Variants in BBS12 observed in about 807,000 individuals in gnomAD.
BBS12 encodes Bardet-Biedl syndrome 12.
A neutral mutation model predicts 5.6 loss-of-function variants in BBS12; 5 were observed. That is an observed-to-expected ratio of 0.89 (90% CI 0.46 to 1.86). The LOEUF (loss-of-function observed/expected upper bound fraction) is 1.86, where lower values mean the gene tolerates loss of function less well. BBS12 is among the 40% of genes most tolerant of loss of function. The pLI, the probability that BBS12 is intolerant of heterozygous loss-of-function variation, is 0.01. For missense variants in BBS12, 748 were observed against 830.4 expected, an observed-to-expected ratio of 0.90 and a Z score of 1.22; for synonymous variants, 308 against 306.8, an observed-to-expected ratio of 1.00 and a Z score of -0.04.
chr4:122,742,318 C>G lies in BBS12; in HGVS notation c.426C>G (p.Asp142Glu). ...VPVHNIFDCM[D>E]STKTFSQLET... ...TTCACAATATATTTGACTGTATGGA[C>G]AGCACAAAAACATTTTCTCAACTTG... Residue 142 changes from aspartate (D) to glutamate (E), a missense_variant, in exon 2 of 2, where the codon GAC becomes GAG. Coordinates refer to ENST00000314218, the MANE Select transcript of BBS12 (RefSeq NM_152618.3). 1 of 1,614,062 alleles carries G rather than the reference C, an allele frequency of 6.2e-7. No individual in the cohort carries two copies. Among genetic ancestry groups the G allele is most frequent in the Non-Finnish European group, 8.5e-7 (1 of 1,179,992 alleles).
rs886038735 is a variant in BBS12, at chr4:122,744,063, A to G, written c.*38A>G. The G allele has an allele frequency of 3.8e-6, 6 of 1,573,702 alleles. No individual in the cohort carries two copies. The highest frequency in any genetic ancestry group is 1.1e-5 in the South Asian group (1 of 89,694). ...AGTCTTTGGAAAATAATTTTTCATA[A>G]TATGTCATGCTAATAATAAATATAT... On this transcript the variant is annotated 3_prime_UTR_variant, in exon 2 of 2. Coordinates refer to ENST00000314218, the MANE Select transcript of BBS12 (RefSeq NM_152618.3).
In BBS12 at chr4:122,742,789, G is replaced by A; in HGVS notation, c.897G>A (p.Val299=). The A allele has an allele frequency of 1.2e-6, 2 of 1,614,208 alleles. No homozygotes were observed. The highest frequency in any genetic ancestry group is 1.7e-6 in the Non-Finnish European group (2 of 1,180,034). Residue 299 remains valine (V), a synonymous_variant, in exon 2 of 2, where the codon GTG becomes GTA. Transcript: ENST00000314218. The stretch of plus-strand genomic sequence containing the variant: ...AGCTGCAATATCAGAATGCTTGTGT[G>A]CAACAAGGCAACTGTACAAAACCAT... The part of the protein sequence containing the change: ...AVQLQYQNAC[V]QQGNCTKPFM...
the BBS12 span, among the ~76,000 whole-genome samples, chr4:122,707,994 CTT>C: frequency 8.6e-6 from 1 of 116,008 alleles, no homozygotes. Flanking sequence ...TCTTTTCTCT[CTT>C]TCTCTCTTTT....
chr4:122,734,140 A>G (rs1473816072), intron 1 of BBS12: 1 of 152,206 alleles, frequency 6.6e-6, no homozygotes, highest in African/African-American at 2.4e-5. Flanking sequence ...AAAGTTACCC[A>G]GTGAAAATTA....
chr4:122,714,433 A>G, the BBS12 span, among the ~76,000 whole-genome samples: 1 of 152,190 alleles, frequency 6.6e-6, no homozygotes. Flanking sequence ...ATGTGTGTCC[A>G]AGAAGACAAA....
At chr4:122,723,918 T>C in the BBS12 span, among the ~76,000 whole-genome samples, 1 of 152,202 alleles carries the variant, frequency 6.6e-6, no homozygotes, top group East Asian at 1.9e-4. Context: ...AGCAAATAGT[T>C]ATAAAAGAGC....
the BBS12 span, among the ~76,000 whole-genome samples, chr4:122,722,936 T>G: frequency 6.6e-6 from 1 of 152,178 alleles, no homozygotes; most frequent in Non-Finnish European, 1.5e-5. Context: ...TTTTCCATGT[T>G]TTACAGTTTA....
At chr4:122,706,455 CA>C in the BBS12 span, among the ~76,000 whole-genome samples, 37 of 152,236 alleles carry the variant, frequency 2.4e-4, no homozygotes, top group African/African-American at 7.5e-4. Flanking sequence ...CTGGAGGGAT[CA>C]GGGGTAACCA....
chr4:122,717,615 G>C, the BBS12 span, among the ~76,000 whole-genome samples: 1 of 151,942 alleles, frequency 6.6e-6, no homozygotes. Context: ...CTGTAACCTC[G>C]ACCACCTGGG....
chr4:122,716,618 TGCAC>T, the BBS12 span, among the ~76,000 whole-genome samples: 40,576 of 116,572 alleles, frequency 0.35, 8,724 homozygotes, highest in East Asian at 0.63. Flanking sequence ...TGTGTGTATA[TGCAC>T]ATACACATAT....
rs587777802 is a variant in BBS12, at chr4:122,743,373, CAG to C, written c.1483_1484del (p.Glu495ArgfsTer3). On this transcript the variant is annotated frameshift_variant, in exon 2 of 2. Coordinates refer to ENST00000314218, the MANE Select transcript of BBS12 (RefSeq NM_152618.3). LOFTEE classifies it low-confidence loss of function (END_TRUNC). ...AACAGAATCGCAATCTTATTAAAAA[CAG>C]AAGGAATTAATTTGGTTACGGCCGT... The C allele has an allele frequency of 3.1e-6, 5 of 1,614,202 alleles. No homozygotes were observed. The highest frequency in any genetic ancestry group is 4.2e-6 in the Non-Finnish European group (5 of 1,180,050).
At chr4:122,711,360 A>G in the BBS12 span, among the ~76,000 whole-genome samples, 7 of 100,082 alleles carry the variant, frequency 7.0e-5, no homozygotes, top group Admixed American at 5.6e-4. Flanking sequence ...TCCTGATTGG[A>G]AAAAAAAAAA....
chr4:122,726,755 A>G, the BBS12 span, among the ~76,000 whole-genome samples: 65,019 of 152,050 alleles, frequency 0.43, 15,310 homozygotes, highest in East Asian at 0.65. Context: ...TATATATAAT[A>G]TGGAATACTA....
At chr4:122,731,117 T>C (rs1416111932), upstream of BBS12, 1 of 152,222 alleles carries the variant, frequency 6.6e-6, no homozygotes, top group Non-Finnish European at 1.5e-5. Context: ...GCCCTCAAGG[T>C]GCTTAAAGGT....
At chr4:122,706,204 TTCTC>T in the BBS12 span, among the ~76,000 whole-genome samples, 1 of 152,028 alleles carries the variant, frequency 6.6e-6, no homozygotes, top group Non-Finnish European at 1.5e-5. Context: ...CTCTGTCTCT[TTCTC>T]TCTCTCTTCC....
chr4:122,742,547 A>G lies in BBS12; in HGVS notation c.655A>G (p.Ser219Gly). 1 of 1,614,250 alleles carries G rather than the reference A, an allele frequency of 6.2e-7. No homozygotes were observed. The highest frequency in any genetic ancestry group is 8.5e-7 in the Non-Finnish European group (1 of 1,180,046). Residue 219 changes from serine (S) to glycine (G), a missense_variant, in exon 2 of 2, where the codon AGC becomes GGC. Transcript: ENST00000314218. ...DNNTSRTLKN[S>G]LLADTCCRQS... ...CAACACATCACGAACTCTGAAAAAC[A>G]GCCTGCTTGCAGATACCTGCTGCAG...
At chr4:122,729,345 T>G (rs1161700639), upstream of BBS12, 1 of 152,212 alleles carries the variant, frequency 6.6e-6, no homozygotes, top group African/African-American at 2.4e-5. Flanking sequence ...CTCAAACAAC[T>G]GAGTAGGAGT....
chr4:122,709,583 T>A, the BBS12 span, among the ~76,000 whole-genome samples: 1 of 152,292 alleles, frequency 6.6e-6, no homozygotes, highest in African/African-American at 2.4e-5. Flanking sequence ...ATAAAAAGTG[T>A]CTCAATTTAA....
chr4:122,706,716 G>A, the BBS12 span, among the ~76,000 whole-genome samples: 16 of 152,170 alleles, frequency 1.1e-4, no homozygotes, highest in South Asian at 1.9e-3. Flanking sequence ...CTCTCATTTC[G>A]CAATGACTTA....
Sources: allele counts gnomAD v4.1 joint callset (sites outside exome capture counted in the v4.1 genomes callset), GRCh38; gene constraint gnomAD v4.1.1; transcripts MANE v1.5; gene names NCBI Gene and HGNC (gene_info 2026-07-23, HGNC 2026-07-21).